The following SGSH variants were observed in gnomAD, a reference collection of about 807,000 sequenced individuals.
SGSH encodes the protein N-sulfoglucosamine sulfohydrolase, also known as heparan sulfate sulfatase.
A neutral mutation model predicts 51.0 loss-of-function variants in SGSH; 48 were observed. That is an observed-to-expected ratio of 0.94 (90% CI 0.75 to 1.20). The LOEUF (loss-of-function observed/expected upper bound fraction) is 1.20. SGSH is among the 50% of genes most tolerant of loss of function. The probability of loss-of-function intolerance (pLI) is 0.00; values close to 1 mark genes in which losing one functional copy is unlikely to be tolerated. For synonymous variants in SGSH, 321 were observed against 313.4 expected, an observed-to-expected ratio of 1.02 and a Z score of -0.26; for missense variants, 662 against 717.8, an observed-to-expected ratio of 0.92 and a Z score of 0.89.
chr17:80,217,088 T>C lies in SGSH; in HGVS notation c.193A>G (p.Thr65Ala). 1.9e-6 allele frequency: 3 copies of C among 1,600,034 alleles called. No individual in the cohort carries two copies. The highest frequency in any genetic ancestry group is 2.6e-6 in the Non-Finnish European group (3 of 1,175,462). Reference sequence around the variant, plus strand: ...CTGGGAGAGCAGCTGCTGACCGAGGTGAAGGCATTGCGAAAGAGGAGGCTG... The same window carrying C: ...CTGGGAGAGCAGCTGCTGACCGAGGCGAAGGCATTGCGAAAGAGGAGGCTG... ...RRSLLFRNAF[T>A]SVSSCSPSRA... Residue 65 changes from threonine to alanine, a missense_variant, in exon 2 of 8, where the codon ACC becomes GCC. Coordinates refer to ENST00000326317, the MANE Select transcript of SGSH (RefSeq NM_000199.5).
downstream of SGSH, chr17:80,205,218 C>G (rs776297008): frequency 3.0e-5 from 48 of 1,604,358 alleles, no homozygotes; most frequent in Non-Finnish European, 3.3e-5. Flanking sequence ...ATGCTGTTGC[C>G]TGGGAATCCC....
Position 80,209,517 on chromosome 17 carries a change from A to G in SGSH, c.*935T>C. 1 of 985,472 alleles carries G rather than the reference A, an allele frequency of 1.0e-6. No individual in the cohort carries two copies. The highest frequency in any genetic ancestry group is 1.2e-6 in the Non-Finnish European group (1 of 830,086). The allele number at this position is 985,472 out of a possible 1,614,324, so 61.0% of individuals were successfully genotyped here. On this transcript the variant is annotated 3_prime_UTR_variant, in exon 8 of 8. Coordinates refer to ENST00000326317, the MANE Select transcript of SGSH (RefSeq NM_000199.5). ...GCAGGAACGGCACATTCTCCCAGCA[A>G]CGCCGACGTCATCCAAGAATTAACC...
downstream of SGSH, chr17:80,206,059 G>A (rs967715539): frequency 1.2e-5 from 2 of 167,238 alleles, no homozygotes; most frequent in Non-Finnish European, 2.6e-5. Context: ...GGCTGGCGGA[G>A]CTCCATGCCA....
At chr17:80,204,598 T>C, downstream of SGSH, 1 of 392,276 alleles carries the variant, frequency 2.5e-6, no homozygotes, top group Non-Finnish European at 4.6e-6. Context: ...CACTCCAGCC[T>C]GGGCAATAAG....
chr17:80,211,074 G>A (rs2041640631), intron 7 of SGSH, 63 bp from the exon 8 acceptor site: 1 of 1,588,940 alleles, frequency 6.3e-7, no homozygotes. Flanking sequence ...GCCCTCGGAA[G>A]GGCCGAACCT....
chr17:80,208,646 T>G, downstream of SGSH: 1 of 323,834 alleles, frequency 3.1e-6, no homozygotes, highest in Non-Finnish European at 5.6e-6. Flanking sequence ...TTCCCATGCC[T>G]TCCCTAGAAC....
At chr17:80,205,002 C>T (rs370616093), downstream of SGSH, 3 of 1,515,120 alleles carry the variant, frequency 2.0e-6, no homozygotes, top group Non-Finnish European at 2.7e-6. Flanking sequence ...GCTGCCGCAG[C>T]CTCACCCACC....
At position 80,210,268 on chromosome 17, in the gene SGSH, C is replaced by T. The variant is rs1354543379; in HGVS notation, c.*184G>A. On this transcript the variant is annotated 3_prime_UTR_variant, in exon 8 of 8. Transcript: ENST00000326317. ...GGAGGGGCTGGGCACATGCTCTGGT[C>T]ACATGCTCTGGTCCCCCTCCAGGCA... The T allele has an allele frequency of 3.5e-6, 5 of 1,431,786 alleles. No homozygotes were observed. The highest frequency in any genetic ancestry group is 4.6e-6 in the Non-Finnish European group (5 of 1,097,456). 88.7% of individuals were successfully genotyped at this position (1,431,786 alleles called of 1,614,324 possible).
downstream of SGSH, chr17:80,203,888 G>A (rs946232550): frequency 1.3e-6 from 2 of 1,593,834 alleles, no homozygotes; most frequent in South Asian, 1.1e-5. The surrounding 1 kb of genome is among the most constrained non-coding windows in gnomAD (Gnocchi z 4.6). Flanking sequence ...CCCGCAAGGT[G>A]AGGCTCCAGG....
At chr17:80,205,675 C>T, downstream of SGSH, 1 of 1,500,894 alleles carries the variant, frequency 6.7e-7, no homozygotes, top group South Asian at 1.3e-5. Flanking sequence ...GCGGGGTGGG[C>T]AGGGGAGCTG....
chr17:80,203,504 C>G (rs971956057), downstream of SGSH: 30 of 306,636 alleles, frequency 9.8e-5, no homozygotes, highest in African/African-American at 6.3e-4. The surrounding 1 kb of genome is among the most constrained non-coding windows in gnomAD (Gnocchi z 4.6). Context: ...GGCCAGGGAC[C>G]CACCATGAAT....
In SGSH at chr17:80,215,263, G is replaced by T. The variant is rs1598752214; in HGVS notation, c.250-125C>A. 2.4e-5 allele frequency: 17 copies of T among 723,290 alleles called. No homozygotes were observed. In the East Asian group the frequency reaches 4.6e-4, roughly 19 times the overall value. 44.8% of individuals were successfully genotyped at this position (723,290 alleles called of 1,614,324 possible). A position where few individuals can be genotyped will look rare whatever the true frequency, so the allele number is the denominator to read the frequency against. On this transcript the variant is annotated intron_variant, in intron 2 of 7. Transcript: ENST00000326317. ...GGGGCCCTGATTTAGACTTCGAGTG[G>T]CCAGCACCCAGAGACACTGGCTGTA...
chr17:80,204,508 C>A, downstream of SGSH: 1 of 589,548 alleles, frequency 1.7e-6, no homozygotes. Flanking sequence ...CCTGTAATCC[C>A]AGATACTCGG....
intron 2 of SGSH, 129 bp from the exon 3 acceptor site, chr17:80,215,267 G>A (rs1158027418): frequency 8.4e-6 from 6 of 714,372 alleles, no homozygotes; most frequent in Non-Finnish European, 7.5e-6. Context: ...CGAGTGGCCA[G>A]CACCCAGAGA....
At chr17:80,207,147 C>T (rs1250196489), downstream of SGSH, 22 of 1,209,718 alleles carry the variant, frequency 1.8e-5, no homozygotes, top group Non-Finnish European at 2.5e-5. Context: ...CCCCAAAGCC[C>T]ACGGCAGGTG....
At chr17:80,211,486 AG>A in intron 7 of SGSH, 1 of 274,438 alleles carries the variant, frequency 3.6e-6, no homozygotes, top group Non-Finnish European at 7.1e-6. Context: ...CCTGTGCCGA[AG>A]GGGTCACCCC....
intron 2 of SGSH, among the ~76,000 whole-genome samples, chr17:80,215,924 C>T (rs931233478): frequency 4.6e-5 from 7 of 152,158 alleles, no homozygotes; most frequent in Admixed American, 3.3e-4. Flanking sequence ...AAGCAAAATA[C>T]GGGGCCCATC....
At chr17:80,211,805 C>A in intron 7 of SGSH, 2 of 540,698 alleles carry the variant, frequency 3.7e-6, no homozygotes, top group South Asian at 4.1e-5. Flanking sequence ...CGGAGGTAGG[C>A]GGGGAAAAGG....
intron 2 of SGSH, among the ~76,000 whole-genome samples, 174 bp from the exon 3 acceptor site, chr17:80,215,312 C>T (rs545568113): frequency 6.6e-6 from 1 of 152,322 alleles, no homozygotes; most frequent in African/African-American, 2.4e-5. Flanking sequence ...GCCCGATAGG[C>T]CCATGGGTCC....
Sources: allele counts gnomAD v4.1 joint callset (sites outside exome capture counted in the v4.1 genomes callset), GRCh38; gene constraint gnomAD v4.1.1; non-coding constraint Gnocchi (gnomAD v3.1); transcripts MANE v1.5; gene names NCBI Gene and HGNC (gene_info 2026-07-23, HGNC 2026-07-21).